The following SHMT2 variants were observed in gnomAD, a reference collection of about 807,000 sequenced individuals.
The protein encoded by SHMT2 is serine hydroxymethyltransferase 2.
SHMT2 carries 38 observed loss-of-function variants against 59.6 expected under a neutral mutation model. That is an observed-to-expected ratio of 0.64 (90% CI 0.49 to 0.84). The LOEUF is 0.84. Among genes scored for constraint, SHMT2 ranks in the 40% least tolerant of loss-of-function variants. The pLI, the probability that SHMT2 is intolerant of heterozygous loss-of-function variation, is 0.00. For synonymous variants in SHMT2, 254 were observed against 258.1 expected, an observed-to-expected ratio of 0.98 and a Z score of 0.15; for missense variants, 533 against 659.5, an observed-to-expected ratio of 0.81 and a Z score of 2.10.
chr12:57,231,212 C>A, intron 2 of SHMT2: 1 of 591,648 alleles, frequency 1.7e-6, no homozygotes, highest in Non-Finnish European at 2.9e-6. Context: ...CCTACAGTTT[C>A]ATCTGATCCC....
At position 57,234,256 on chromosome 12, in the gene SHMT2, C is replaced by T. The variant is rs776176062; in HGVS notation, c.1410C>T (p.Ser470=). The T allele has an allele frequency of 2.1e-5, 34 of 1,613,188 alleles. No individual in the cohort carries two copies. The highest frequency in any genetic ancestry group is 2.8e-5 in the Non-Finnish European group (33 of 1,179,458). ...SKTAKLQDFK[S]FLLKDSETSQ... is the part of the protein sequence containing the mutation. ...TAGCCAAGCTCCAGGATTTCAAATC[C>T]TTCCTGCTTAAGGACTCAGAAACAA... Residue 470 remains serine, a synonymous_variant, in exon 12 of 12, where the codon TCC becomes TCT. Transcript: ENST00000328923.
In SHMT2 at chr12:57,234,479, G is replaced by A. The variant is rs980485613; in HGVS notation, c.*118G>A. 8.9e-7 allele frequency: 1 copy of A among 1,127,888 alleles called. No homozygotes were observed. The highest frequency in any genetic ancestry group is 2.9e-5 in the Admixed American group (1 of 34,750). 69.9% of individuals were successfully genotyped at this position (1,127,888 alleles called of 1,614,324 possible). A position where few individuals can be genotyped will look rare whatever the true frequency, so the allele number is the denominator to read the frequency against. ...CGGGAGGGAAGACCTCTCACTTAGG[G>A]CAAGAGCCAGGTATAGTCTCCCTTC... On this transcript the variant is annotated 3_prime_UTR_variant, in exon 12 of 12. Coordinates refer to ENST00000328923, the MANE Select transcript of SHMT2 (RefSeq NM_005412.6).
chr12:57,233,624 C>A lies in SHMT2; in HGVS notation c.1085C>A (p.Ala362Glu). Reference protein sequence around the residue: ...LQVLKNARAMADALLERGYSL... With the variant: ...LQVLKNARAMEDALLERGYSL... ...GTTCTGAAGAATGCTCGGGCCATGG[C>A]AGATGCCCTGCTAGAGCGAGGCTAC... Residue 362 changes from alanine to glutamate, a missense_variant, in exon 9 of 12, where the codon GCA becomes GAA. Transcript: ENST00000328923. The A allele has an allele frequency of 1.2e-6, 2 of 1,614,132 alleles. No homozygotes were observed. Among genetic ancestry groups the A allele is most frequent in the Non-Finnish European group, 1.7e-6 (2 of 1,179,980 alleles).
At chr12:57,231,419 G>C in intron 2 of SHMT2, 62 bp from the exon 3 acceptor site, 1 of 1,544,238 alleles carries the variant, frequency 6.5e-7, no homozygotes, top group Non-Finnish European at 8.9e-7. Flanking sequence ...TGGCAGGGAG[G>C]GACTGTGGGA....
chr12:57,234,419 G>A lies in SHMT2; in HGVS notation c.*58G>A. On this transcript the variant is annotated 3_prime_UTR_variant, in exon 12 of 12. Transcript: ENST00000328923. ...AGTTACTCTCCTTCCCCCTACCTGG[G>A]CCAGTGAAATAGAAAGCCTTTCTAT... 1.3e-6 allele frequency: 2 copies of A among 1,507,196 alleles called. No individual in the cohort carries two copies. Among genetic ancestry groups the A allele is most frequent in the South Asian group, 2.7e-5 (2 of 72,786 alleles). 93.4% of individuals were successfully genotyped at this position (1,507,196 alleles called of 1,614,324 possible).
At position 57,231,464 on chromosome 12, in the gene SHMT2, G is replaced by A. The variant is rs1565769875; in HGVS notation, c.232-17G>A. 6.2e-7 allele frequency: 1 copy of A among 1,612,844 alleles called. No homozygotes were observed. The highest frequency in any genetic ancestry group is 1.1e-5 in the South Asian group (1 of 90,816). On this transcript the variant is annotated splice_polypyrimidine_tract_variant and intron_variant, in intron 2 of 11. Coordinates refer to ENST00000328923, the MANE Select transcript of SHMT2 (RefSeq NM_005412.6). ...AAGGGGCTCAATACCTTCTGACATT[G>A]CCCCCCACCACCCCAGAACTTCTGC...
chr12:57,230,432 T>C (rs1266628707), intron 1 of SHMT2: 1 of 1,171,756 alleles, frequency 8.5e-7, no homozygotes, highest in Non-Finnish European at 1.1e-6. Context: ...TATCAGTTTA[T>C]GGTGCCCTGC....
chr12:57,232,421 T>C, intron 5 of SHMT2, 32 bp from the exon 6 acceptor site: 5 of 1,614,148 alleles, frequency 3.1e-6, no homozygotes, highest in Non-Finnish European at 3.4e-6. Flanking sequence ...TGCTTCCTTC[T>C]CAGGGCTTTA....
chr12:57,231,613 C>G, intron 3 of SHMT2, 53 bp downstream of exon 3: 1 of 1,610,692 alleles, frequency 6.2e-7, no homozygotes, highest in Non-Finnish European at 8.5e-7. Flanking sequence ...GGGAACCCAC[C>G]TGTACCTTCC....
Position 57,234,454 on chromosome 12 carries a change from C to T in SHMT2, c.*93C>T, listed in dbSNP as rs1432231994. ...TAGAAAGCCTTTCTATTTTTTGGTGCGGGAGGGAAGACCTCTCACTTAGGG... is the reference window on the plus strand; with the variant it reads ...TAGAAAGCCTTTCTATTTTTTGGTGTGGGAGGGAAGACCTCTCACTTAGGG... On this transcript the variant is annotated 3_prime_UTR_variant, in exon 12 of 12. Coordinates refer to ENST00000328923, the MANE Select transcript of SHMT2 (RefSeq NM_005412.6). 45 of 1,416,198 alleles carry T rather than the reference C, an allele frequency of 3.2e-5. 1 individual carries two copies. The highest frequency in any genetic ancestry group is 2.0e-4 in the Admixed American group (8 of 40,056). The allele number at this position is 1,416,198 out of a possible 1,614,324, so 87.7% of individuals were successfully genotyped here.
chr12:57,233,576 T>A lies in SHMT2; in HGVS notation c.1037T>A (p.Met346Lys). The change falls in exon 9 of 12, where the codon ATG (methionine) becomes AAG (lysine). Residue 346 changes from methionine to lysine, a missense_variant. Met to Lys is a moderately conservative substitution (Grantham distance 95, BLOSUM62 -1). Transcript: ENST00000328923. ...TCTCATCTCCAGGCCTGCACCCCCA[T>A]GTTCCGGGAGTACTCCCTGCAGGTT... is the stretch of plus-strand genomic sequence containing the variant. ...AVALKQACTP[M>K]FREYSLQVLK... is the part of the protein sequence containing the mutation. 1.9e-6 allele frequency: 3 copies of A among 1,613,660 alleles called. No individual in the cohort carries two copies. Among genetic ancestry groups the A allele is most frequent in the Non-Finnish European group, 2.5e-6 (3 of 1,179,752 alleles).
In SHMT2 at chr12:57,234,278, A is replaced by G; in HGVS notation, c.1432A>G (p.Thr478Ala). 6.2e-7 allele frequency: 1 copy of G among 1,613,820 alleles called. No homozygotes were observed. ...ATCCTTCCTGCTTAAGGACTCAGAA[A>G]CAAGTCAGCGTCTGGCCAACCTCAG... ...FKSFLLKDSETSQRLANLRQR... is the reference protein window; with the variant it reads ...FKSFLLKDSEASQRLANLRQR... Residue 478 changes from threonine to alanine, a missense_variant, in exon 12 of 12, where the codon ACA becomes GCA. Thr to Ala is a moderately conservative substitution (Grantham distance 58, BLOSUM62 0). Coordinates refer to ENST00000328923, the MANE Select transcript of SHMT2 (RefSeq NM_005412.6).
At chr12:57,230,495 C>T in intron 1 of SHMT2, 2 of 1,254,800 alleles carry the variant, frequency 1.6e-6, no homozygotes, top group East Asian at 4.1e-5. Flanking sequence ...CTCAGTTGCC[C>T]TCTCTGGAGT....
At chr12:57,231,220 C>CCCTT (rs72132574) in intron 2 of SHMT2, 53 of 611,654 alleles carry the variant, frequency 8.7e-5, no homozygotes, top group Non-Finnish European at 1.4e-4. Context: ...TTCATCTGAT[C>CCCTT]CCTTCCTTCC....
chr12:57,233,042 T>C, intron 7 of SHMT2, 138 bp from the exon 8 acceptor site: 1 of 1,248,952 alleles, frequency 8.0e-7, no homozygotes, highest in Non-Finnish European at 1.1e-6. Flanking sequence ...AGGGGCTGAT[T>C]CCCTCTACCA....
intron 4 of SHMT2, 137 bp downstream of exon 4, chr12:57,232,050 G>A (rs1162862511): frequency 2.6e-6 from 3 of 1,161,664 alleles, no homozygotes; most frequent in Non-Finnish European, 2.5e-6. Context: ...GGATGAGGAA[G>A]ATAAGATCCC....
In SHMT2 at chr12:57,232,014, C is replaced by T. The variant is rs868331141; in HGVS notation, c.512+101C>T. 5.3e-6 allele frequency: 7 copies of T among 1,330,048 alleles called. No homozygotes were observed. The East Asian group carries it at 7.5e-5, about 14-fold the overall frequency. 82.4% of individuals were successfully genotyped at this position (1,330,048 alleles called of 1,614,324 possible). A position where few individuals can be genotyped will look rare whatever the true frequency, so the allele number is the denominator to read the frequency against. On this transcript the variant is annotated intron_variant, in intron 4 of 11. Transcript: ENST00000328923. ...CTGTGGACCATACAGATGGAACAGGCCTTGCCCTGTCCTGCATGTCACAGT... is the reference window on the plus strand; with the variant it reads ...CTGTGGACCATACAGATGGAACAGGTCTTGCCCTGTCCTGCATGTCACAGT...
chr12:57,231,236 C>T (rs889211256), intron 2 of SHMT2: 1 of 595,442 alleles, frequency 1.7e-6, no homozygotes, highest in Admixed American at 3.0e-5. Context: ...CTTCCTTCCT[C>T]CTATGAGGAA....
rs757876044 is a variant in SHMT2, at chr12:57,232,309, G to A, written c.594+17G>A. ...AAGCTCAACGTGAGTGCTCTAGGGT[G>A]TGGGGAGGGGCTCTTGGCCCTGGTG... is the stretch of plus-strand genomic sequence containing the variant. On this transcript the variant is annotated intron_variant, in intron 5 of 11. Transcript: ENST00000328923. 1 of 1,613,254 alleles carries A rather than the reference G, an allele frequency of 6.2e-7. No individual in the cohort carries two copies. Among genetic ancestry groups the A allele is most frequent in the Admixed American group, 1.7e-5 (1 of 60,000 alleles).
Sources: gnomAD v4.1 joint callset for allele counts on GRCh38, gnomAD v4.1.1 for gene constraint, MANE v1.5 for transcripts, NCBI Gene and HGNC (gene_info 2026-07-23, HGNC 2026-07-21) for gene names.